FRMD5: variants seen among roughly 807,000 people sequenced by gnomAD.
The protein encoded by FRMD5 is FERM domain-containing protein 5.
In FRMD5, 20 loss-of-function variants were observed where a neutral mutation model predicts 69.0. The ratio of observed to expected loss-of-function variants is 0.29; its 90% CI spans 0.20 to 0.42. FRMD5 has a LOEUF of 0.42. FRMD5 is among the 10% of genes least tolerant of loss of function. FRMD5 has a pLI of 1.00. For missense variants in FRMD5, 595 were observed against 708.6 expected (o/e 0.84, Z 1.82); for synonymous variants, 271 against 260.1 (o/e 1.04, Z -0.40).
chr15:43,981,094 C>T (rs975769197), intron 1 of FRMD5, among the ~76,000 whole-genome samples: 2 of 152,172 alleles, frequency 1.3e-5, no homozygotes, highest in African/African-American at 4.8e-5. Flanking sequence ...TCACTCACTG[C>T]AGCCTCTGTC....
chr15:44,192,674 T>G (rs532808096), intron 1 of FRMD5, among the ~76,000 whole-genome samples: 3 of 152,212 alleles, frequency 2.0e-5, no homozygotes, highest in Non-Finnish European at 2.9e-5. Flanking sequence ...AAAAGCTACA[T>G]GCAGAAAATG....
intron 1 of FRMD5, among the ~76,000 whole-genome samples, chr15:43,948,288 T>C (rs1443455129): frequency 6.6e-6 from 1 of 152,198 alleles, no homozygotes; most frequent in Admixed American, 6.5e-5. Context: ...TATTGTACTC[T>C]AATATATGGC....
At position 43,874,305 on chromosome 15, in the gene FRMD5, C is replaced by T. The variant is rs1222026564; in HGVS notation, c.1293G>A (p.Leu431=). The T allele has an allele frequency of 3.1e-6, 5 of 1,614,210 alleles. No homozygotes were observed. Among genetic ancestry groups the T allele is most frequent in the African/African-American group, 1.3e-5 (1 of 75,058 alleles). ...GGCTGTGCTCAGCCACAGGGGTGGGCAGCACGCTGTCTGCAGGGCTGTAGG... is the reference window on the plus strand; with the variant it reads ...GGCTGTGCTCAGCCACAGGGGTGGGTAGCACGCTGTCTGCAGGGCTGTAGG... The part of the protein sequence containing the change: ...DEAYSPADSV[L]PTPVAEHSLE... The change falls in exon 14 of 14, where the codon CTG becomes CTA. Residue 431 remains leucine, a synonymous_variant. Transcript: ENST00000417257.
upstream of FRMD5, among the ~76,000 whole-genome samples, chr15:44,195,564 C>T (rs780074793): frequency 9.8e-5 from 15 of 152,356 alleles, no homozygotes; most frequent in Middle Eastern, 3.4e-3. Context: ...GGATTGATGT[C>T]TGCCGCCTGA....
At chr15:44,046,721 C>T (rs1426658) in intron 1 of FRMD5, among the ~76,000 whole-genome samples, 130,313 of 152,234 alleles carry the variant, frequency 0.86, 57,456 homozygotes, top group Non-Finnish European at 0.95. Context: ...CAGTTCCTAA[C>T]CTTTTTACAT....
At chr15:43,964,500 C>CAAAA (rs59698503) in intron 1 of FRMD5, among the ~76,000 whole-genome samples, 121 of 129,576 alleles carry the variant, frequency 9.3e-4, no homozygotes, top group South Asian at 2.7e-3. Flanking sequence ...AACAAACAAA[C>CAAAA]AAAAAAAAAA....
At chr15:44,065,937 T>G (rs891599313) in intron 1 of FRMD5, among the ~76,000 whole-genome samples, 1 of 152,196 alleles carries the variant, frequency 6.6e-6, no homozygotes, top group African/African-American at 2.4e-5. Context: ...ATCATTTTAC[T>G]CAACCAGTTC....
chr15:44,003,631 C>T (rs1890310530), intron 1 of FRMD5, among the ~76,000 whole-genome samples: 1 of 152,072 alleles, frequency 6.6e-6, no homozygotes, highest in Non-Finnish European at 1.5e-5. Context: ...GATTCCTCTG[C>T]CAGAAATGAT....
At chr15:43,920,883 G>A (rs899248072) in intron 2 of FRMD5, among the ~76,000 whole-genome samples, 1 of 152,202 alleles carries the variant, frequency 6.6e-6, no homozygotes, top group Non-Finnish European at 1.5e-5. Context: ...CAGCCAGGGC[G>A]CTGCAGTCAG....
At chr15:43,995,215 T>C (rs1170361048) in intron 1 of FRMD5, among the ~76,000 whole-genome samples, 1 of 152,208 alleles carries the variant, frequency 6.6e-6, no homozygotes, top group Non-Finnish European at 1.5e-5. Flanking sequence ...TAATACAAAG[T>C]AAATGCTATG....
rs531094429 is a variant in FRMD5, at chr15:44,080,636, T to C, written c.102+114317A>G. Among the ~76,000 whole-genome samples the C allele has an allele frequency of 1.1e-3, 170 of 152,202 alleles. 2 individuals carry two copies. The highest frequency in any genetic ancestry group is 2.1e-3 in the Non-Finnish European group (141 of 67,986). ...TTTGTACCACTTTCTGGTATGCTTA[T>C]TGTTTGTATACTTGTCTCTTTCTCC... On this transcript the variant is annotated intron_variant, in intron 1 of 13. Coordinates refer to ENST00000417257, the MANE Select transcript of FRMD5 (RefSeq NM_032892.5).
rs1263900598 is a variant in FRMD5, at chr15:44,100,051, T to TC, written c.102+94901_102+94902insG. ...TATCTAATAGCTTCTTCTTCTCTTT[T>TC]TTTTTTTTTTTTTTTTTAAGATGGA... On this transcript the variant is annotated intron_variant, in intron 1 of 13. Transcript: ENST00000417257. Among the ~76,000 whole-genome samples the TC allele has an allele frequency of 5.4e-5, 8 of 149,516 alleles. No individual in the cohort carries two copies. The East Asian group carries it at 1.6e-3, about 29-fold the overall frequency.
intron 1 of FRMD5, chr15:43,989,099 CA>C: frequency 1.0e-6 from 1 of 959,712 alleles, no homozygotes; most frequent in South Asian, 1.3e-5. Context: ...GTGCCTGACT[CA>C]TCATATTCCT....
At chr15:44,081,169 T>A (rs1202028848) in intron 1 of FRMD5, among the ~76,000 whole-genome samples, 3 of 152,092 alleles carry the variant, frequency 2.0e-5, no homozygotes, top group African/African-American at 7.2e-5. Flanking sequence ...CTATTTTAGT[T>A]TGGCTGCTTT....
At chr15:44,064,910 G>C (rs1893245709) in intron 1 of FRMD5, among the ~76,000 whole-genome samples, 1 of 152,164 alleles carries the variant, frequency 6.6e-6, no homozygotes, top group African/African-American at 2.4e-5. Context: ...ACAGTATCAT[G>C]GGTATATTAC....
At chr15:43,964,336 C>A (rs903070712) in intron 1 of FRMD5, among the ~76,000 whole-genome samples, 10 of 150,206 alleles carry the variant, frequency 6.7e-5, no homozygotes, top group African/African-American at 2.2e-4. Context: ...AACTTTTTTT[C>A]TTTTTTCAAG....
At chr15:44,110,623 T>G (rs931758495) in intron 1 of FRMD5, among the ~76,000 whole-genome samples, 1 of 152,198 alleles carries the variant, frequency 6.6e-6, no homozygotes, top group East Asian at 1.9e-4. Flanking sequence ...ACAGAAAAAG[T>G]GTGGACCATC....
At chr15:44,099,042 A>T (rs1199262882) in intron 1 of FRMD5, among the ~76,000 whole-genome samples, 1 of 152,238 alleles carries the variant, frequency 6.6e-6, no homozygotes, top group African/African-American at 2.4e-5. Context: ...GGGCAACCTC[A>T]TCAGAAACTG....
chr15:44,026,042 A>G (rs1891415354), intron 1 of FRMD5, among the ~76,000 whole-genome samples: 1 of 152,164 alleles, frequency 6.6e-6, no homozygotes, highest in Non-Finnish European at 1.5e-5. Flanking sequence ...CAGTGGCACC[A>G]TCTCAGCTCT....
Sources: gnomAD v4.1 joint callset for allele counts (sites outside exome capture counted in the v4.1 genomes callset) on GRCh38, gnomAD v4.1.1 for gene constraint, MANE v1.5 for transcripts, NCBI Gene and HGNC (gene_info 2026-07-23, HGNC 2026-07-21) for gene names.